Variants in SLC35E1 observed in about 807,000 individuals in gnomAD.
SLC35E1 encodes the protein solute carrier family 35 member E1.
SLC35E1 carries 12 observed loss-of-function variants against 31.0 expected under a neutral mutation model. That is an observed-to-expected ratio of 0.39 (90% CI 0.25 to 0.63). The LOEUF is 0.63. Ranked by LOEUF, SLC35E1 falls within the 20% of genes least tolerant of loss-of-function variation. The pLI, the probability that SLC35E1 is intolerant of heterozygous loss-of-function variation, is 0.52. For missense variants in SLC35E1, 429 were observed against 572.2 expected (o/e 0.75, Z 2.55); for synonymous variants, 257 against 264.1 (o/e 0.97, Z 0.26).
At chr19:16,567,101 G>T (rs1216194272) in intron 3 of SLC35E1, among the ~76,000 whole-genome samples, 1 of 152,218 alleles carries the variant, frequency 6.6e-6, no homozygotes, top group Non-Finnish European at 1.5e-5. Flanking sequence ...ACAATGAAAA[G>T]TTGGAAATAA....
Position 16,555,214 on chromosome 19 carries a change from C to G in SLC35E1, c.940G>C (p.Val314Leu). Residue 314 changes from valine to leucine, a missense_variant, in exon 5 of 6, where the codon GTC becomes CTC. By Grantham distance (32) the Val-to-Leu change is conservative. Transcript: ENST00000595753. This position sits in a 1 kb window ranked among gnomAD's most constrained non-coding sequence, Gnocchi z 4.1. ...ATGCCCAGGACGTTGGTGCTGGTGA[C>G]TGGGTTGCGCAGCATGATCAGGGAC... ...TVSLIMLRNP[V>L]TSTNVLGMMT... 2 of 1,614,186 alleles carry G rather than the reference C, an allele frequency of 1.2e-6. No individual in the cohort carries two copies.
At chr19:16,560,880 C>CAAAAAAAAAAAA (rs1491054404) in intron 4 of SLC35E1, among the ~76,000 whole-genome samples, 1 of 95,066 alleles carries the variant, frequency 1.1e-5, no homozygotes, top group Admixed American at 1.0e-4. Flanking sequence ...AAAAAAAAAA[C>CAAAAAAAAAAAA]CAAAAAAAAA....
At chr19:16,568,936 T>C (rs2085944711) in intron 2 of SLC35E1, among the ~76,000 whole-genome samples, 1 of 152,164 alleles carries the variant, frequency 6.6e-6, no homozygotes, top group Non-Finnish European at 1.5e-5. Context: ...CAAGGAGTGC[T>C]TTCTCCAACC....
chr19:16,557,014 G>A, intron 4 of SLC35E1: 1 of 470,856 alleles, frequency 2.1e-6, no homozygotes, highest in Non-Finnish European at 4.4e-6. Flanking sequence ...CCTTCATGTT[G>A]GGCCAGCCTG....
chr19:16,550,969 C>T lies in SLC35E1; in HGVS notation c.*2710G>A, dbSNP rs1301515684. On this transcript the variant is annotated 3_prime_UTR_variant, in exon 6 of 6. Coordinates refer to ENST00000595753, the MANE Select transcript of SLC35E1 (RefSeq NM_024881.5). ...AAGGAAAATAATATACAAATTTCAG[C>T]AACTTCAGAGATTTCAGGAAGCCTG... The T allele has an allele frequency of 6.6e-6, 1 of 152,176 alleles. No individual in the cohort carries two copies. The highest frequency in any genetic ancestry group is 1.5e-5 in the Non-Finnish European group (1 of 68,034). The allele number at this position is 152,176 out of a possible 1,614,324, so 9.4% of individuals were successfully genotyped here.
intron 4 of SLC35E1, among the ~76,000 whole-genome samples, chr19:16,556,444 G>A (rs1407278379): frequency 6.6e-6 from 1 of 152,148 alleles, no homozygotes; most frequent in South Asian, 2.1e-4. Flanking sequence ...AGGAGTTCAA[G>A]GCTACAGTGA....
intron 4 of SLC35E1, among the ~76,000 whole-genome samples, chr19:16,562,476 T>C (rs892776432): frequency 2.6e-5 from 4 of 152,196 alleles, no homozygotes; most frequent in African/African-American, 2.4e-5. Context: ...TTTTATAAAA[T>C]GGTTTAGTAT....
In SLC35E1 at chr19:16,572,353, G is replaced by A. The variant is rs1055714318; in HGVS notation, c.12C>T (p.Ala4=). The change falls in exon 1 of 6, where the codon GCC becomes GCT. Residue 4 remains alanine, a synonymous_variant. Coordinates refer to ENST00000595753, the MANE Select transcript of SLC35E1 (RefSeq NM_024881.5). This position sits in a 1 kb window ranked among gnomAD's most constrained non-coding sequence, Gnocchi z 4.1. The part of the protein sequence containing the change: MAA[A]AVGAGHGAGG... The stretch of plus-strand genomic sequence containing the variant: ...CCGCGCCGTGGCCCGCGCCCACCGC[G>A]GCCGCCGCCATCCTGCCCGAGCGGC... 39 of 1,034,538 alleles carry A rather than the reference G, an allele frequency of 3.8e-5. No individual in the cohort carries two copies. Among genetic ancestry groups the A allele is most frequent in the Non-Finnish European group, 4.4e-5 (38 of 859,404 alleles). 64.1% of individuals were successfully genotyped at this position (1,034,538 alleles called of 1,614,324 possible). A position where few individuals can be genotyped will look rare whatever the true frequency, so the allele number is the denominator to read the frequency against.
intron 4 of SLC35E1, chr19:16,565,186 G>C (rs2085925464): frequency 2.2e-6 from 1 of 445,502 alleles, no homozygotes; most frequent in Non-Finnish European, 4.5e-6. Flanking sequence ...AGACCAGGGA[G>C]GAACTGAGCT....
At chr19:16,557,504 T>G (rs914578933) in intron 4 of SLC35E1, among the ~76,000 whole-genome samples, 3 of 152,186 alleles carry the variant, frequency 2.0e-5, no homozygotes, top group Non-Finnish European at 4.4e-5. Flanking sequence ...ATTCCAGGCA[T>G]TTTAACAAAT....
At position 16,553,889 on chromosome 19, in the gene SLC35E1, C is replaced by A; in HGVS notation, c.1023G>T (p.Gln341His). 1 of 1,610,714 alleles carries A rather than the reference C, an allele frequency of 6.2e-7. No homozygotes were observed. The highest frequency in any genetic ancestry group is 1.7e-4 in the Middle Eastern group (1 of 6,048). ...LYNKTKYDAN[Q>H]QARKHLLPVT... ...CGGGGAGGAGGTGCTTCCTGGCTTGCTGGTTTGCATCGTACTTGGTCTGTG... is the reference window on the plus strand; with the variant it reads ...CGGGGAGGAGGTGCTTCCTGGCTTGATGGTTTGCATCGTACTTGGTCTGTG... Residue 341 changes from glutamine (Q) to histidine (H), a missense_variant, in exon 6 of 6, where the codon CAG (glutamine) becomes CAT (histidine). Transcript: ENST00000595753.
Position 16,552,456 on chromosome 19 carries a change from GCC to G in SLC35E1, c.*1221_*1222del. The G allele has an allele frequency of 6.6e-6, 1 of 151,852 alleles. No homozygotes were observed. Among genetic ancestry groups the G allele is most frequent in the South Asian group, 2.1e-4 (1 of 4,800 alleles). 9.4% of individuals were successfully genotyped at this position (151,852 alleles called of 1,614,324 possible). A position where few individuals can be genotyped will look rare whatever the true frequency, so the allele number is the denominator to read the frequency against. On this transcript the variant is annotated 3_prime_UTR_variant, in exon 6 of 6. Coordinates refer to ENST00000595753, the MANE Select transcript of SLC35E1 (RefSeq NM_024881.5). ...TTCAAGCAATTCGCCTGCCTCAGCA[GCC>G]TGAGGAGCTGGGACTACAGGCACGC... is the stretch of plus-strand genomic sequence containing the variant.
chr19:16,552,299 C>T lies in SLC35E1; in HGVS notation c.*1380G>A, dbSNP rs2085849501. The T allele has an allele frequency of 6.6e-6, 1 of 151,892 alleles. No individual in the cohort carries two copies. The highest frequency in any genetic ancestry group is 1.5e-5 in the Non-Finnish European group (1 of 67,978). 9.4% of individuals were successfully genotyped at this position (151,892 alleles called of 1,614,324 possible). A position where few individuals can be genotyped will look rare whatever the true frequency, so the allele number is the denominator to read the frequency against. On this transcript the variant is annotated 3_prime_UTR_variant, in exon 6 of 6. Transcript: ENST00000595753. ...GAAACACTTCATTTCCTACTAAATACCAAAACGTGTCAGACAGGCATCACC... is the reference window on the plus strand; with the variant it reads ...GAAACACTTCATTTCCTACTAAATATCAAAACGTGTCAGACAGGCATCACC...
intron 3 of SLC35E1, 39 bp downstream of exon 3, chr19:16,567,993 C>T: frequency 1.3e-6 from 2 of 1,554,602 alleles, no homozygotes; most frequent in Non-Finnish European, 1.7e-6. Flanking sequence ...CCGCACACCC[C>T]TGAAACCCCA....
At chr19:16,560,881 C>CAAAAAAAAAAAAAA (rs1304202019) in intron 4 of SLC35E1, among the ~76,000 whole-genome samples, 9 of 68,052 alleles carry the variant, frequency 1.3e-4, no homozygotes, top group Non-Finnish European at 2.0e-4. Context: ...AAAAAAAAAC[C>CAAAAAAAAAAAAAA]AAAAAAAAAA....
intron 4 of SLC35E1, 143 bp downstream of exon 4, chr19:16,566,389 A>T: frequency 9.1e-7 from 1 of 1,096,118 alleles, no homozygotes; most frequent in Non-Finnish European, 1.3e-6. Context: ...GTGAGGCATT[A>T]CAGAGGACTG....
Position 16,565,124 on chromosome 19 carries a change from A to C in SLC35E1, c.756+1408T>G. On this transcript the variant is annotated intron_variant, in intron 4 of 5. Transcript: ENST00000595753. Reference sequence around the variant, plus strand: ...CATTCATTTATAACACATTCTCTGAAGGCAGACCCTGCAGGTGGCAAAAAG... The same window carrying C: ...CATTCATTTATAACACATTCTCTGACGGCAGACCCTGCAGGTGGCAAAAAG... 3 of 456,708 alleles carry C rather than the reference A, an allele frequency of 6.6e-6. 1 individual carries two copies. The highest frequency in any genetic ancestry group is 4.6e-5 in the South Asian group (3 of 64,568). The allele number at this position is 456,708 out of a possible 1,614,324, so 28.3% of individuals were successfully genotyped here. A position where few individuals can be genotyped will look rare whatever the true frequency, so the allele number is the denominator to read the frequency against.
intron 1 of SLC35E1, 70 bp from the exon 2 acceptor site, chr19:16,571,652 G>A (rs1311227596): frequency 1.3e-6 from 2 of 1,547,050 alleles, no homozygotes; most frequent in African/African-American, 2.7e-5. Flanking sequence ...CACCTCCACG[G>A]CGGGATGGGA....
At chr19:16,569,474 C>A (rs780291733) in intron 2 of SLC35E1, among the ~76,000 whole-genome samples, 4 of 152,196 alleles carry the variant, frequency 2.6e-5, no homozygotes, top group African/African-American at 9.7e-5. Context: ...TGACAGAGAG[C>A]CTTCTAGAAG....
Sources: gnomAD v4.1 joint callset for allele counts (sites outside exome capture counted in the v4.1 genomes callset) on GRCh38, gnomAD v4.1.1 for gene constraint, Gnocchi (gnomAD v3.1) non-coding constraint, MANE v1.5 for transcripts, NCBI Gene and HGNC (gene_info 2026-07-23, HGNC 2026-07-21) for gene names.